Variants in PUM2 observed in about 807,000 individuals in gnomAD.
The protein encoded by PUM2 is pumilio RNA binding family member 2.
A neutral mutation model predicts 124.5 loss-of-function variants in PUM2; 57 were observed. That is an observed-to-expected ratio of 0.46 (90% confidence interval 0.37 to 0.57). The LOEUF is 0.57. Among genes scored for constraint, PUM2 ranks in the 20% least tolerant of loss-of-function variants. The pLI, the probability that PUM2 is intolerant of heterozygous loss-of-function variation, is 0.00. For missense variants in PUM2, 1,065 were observed against 1,290.6 expected, an observed-to-expected ratio of 0.83 and a Z score of 2.68; for synonymous variants, 460 against 446.1, an observed-to-expected ratio of 1.03 and a Z score of -0.39.
chr2:20,306,471 T>TA lies in PUM2; in HGVS notation c.883+1506dup, dbSNP rs373079251. Among the ~76,000 whole-genome samples the TA allele has an allele frequency of 1.5e-3, 233 of 151,884 alleles. No homozygotes were observed. In the Middle Eastern group the frequency reaches 0.024, roughly 16 times the overall value. The stretch of plus-strand genomic sequence containing the variant: ...GTTGTGCTGTCCATGAATAGACAGG[T>TA]AGCAGTACATTTCTAACATAAGAGG... On this transcript the variant is annotated intron_variant, in intron 7 of 20. Coordinates refer to ENST00000361078, the MANE Select transcript of PUM2 (RefSeq NM_015317.5).
chr2:20,329,292 T>C (rs1684381490), intron 1 of PUM2, among the ~76,000 whole-genome samples: 1 of 150,458 alleles, frequency 6.6e-6, no homozygotes, highest in Non-Finnish European at 1.5e-5. Context: ...ATTAGCCTGT[T>C]TCGGTAGGGC....
chr2:20,347,975 G>A (rs1003920834), intron 1 of PUM2, among the ~76,000 whole-genome samples: 5 of 152,110 alleles, frequency 3.3e-5, no homozygotes, highest in Non-Finnish European at 1.5e-5. Context: ...TCATCAAAGC[G>A]AAGTGAGGAG....
intron 1 of PUM2, among the ~76,000 whole-genome samples, chr2:20,347,210 T>C (rs758112455): frequency 4.5e-4 from 68 of 152,218 alleles, no homozygotes; most frequent in Non-Finnish European, 8.2e-4. Flanking sequence ...AACTATGCTT[T>C]TGCCAACAGC....
chr2:20,346,545 G>A (rs1425158225), intron 1 of PUM2, among the ~76,000 whole-genome samples: 1 of 152,078 alleles, frequency 6.6e-6, no homozygotes, highest in Non-Finnish European at 1.5e-5. Flanking sequence ...TTCTCTCACT[G>A]ATCTTAAGTT....
intron 13 of PUM2, among the ~76,000 whole-genome samples, chr2:20,270,694 T>G (rs889468910): frequency 6.6e-5 from 10 of 152,174 alleles, no homozygotes; most frequent in Admixed American, 5.2e-4. Flanking sequence ...TTTAATATAG[T>G]AATCTATGTA....
Position 20,344,542 on chromosome 2 carries a change from T to C in PUM2, c.-19+6055A>G, listed in dbSNP as rs545763193. ...TCAATCTGGTGGGCTTCTACCTATCTCTCCTATCTCTCTTTTGTCACCCTC... is the reference window on the plus strand; with the variant it reads ...TCAATCTGGTGGGCTTCTACCTATCCCTCCTATCTCTCTTTTGTCACCCTC... On this transcript the variant is annotated intron_variant, in intron 1 of 20. Coordinates refer to ENST00000361078, the MANE Select transcript of PUM2 (RefSeq NM_015317.5). Among the ~76,000 whole-genome samples the C allele has an allele frequency of 7.6e-4, 115 of 152,244 alleles. 1 individual carries two copies. The highest frequency in any genetic ancestry group is 2.7e-3 in the African/African-American group (113 of 41,528).
intron 1 of PUM2, among the ~76,000 whole-genome samples, chr2:20,348,353 T>C (rs1215588043): frequency 6.6e-6 from 1 of 152,158 alleles, no homozygotes; most frequent in East Asian, 1.9e-4. Flanking sequence ...TTTAAATATC[T>C]GTAAATTTTA....
At chr2:20,349,397 T>C (rs569154438) in intron 1 of PUM2, among the ~76,000 whole-genome samples, 2 of 152,342 alleles carry the variant, frequency 1.3e-5, no homozygotes, top group East Asian at 1.9e-4. Context: ...ATCGGAATTT[T>C]AAAGAAATTC....
chr2:20,351,187 C>T (rs898227453), upstream of PUM2, among the ~76,000 whole-genome samples: 1 of 152,214 alleles, frequency 6.6e-6, no homozygotes, highest in Non-Finnish European at 1.5e-5. Flanking sequence ...GCTTCCTACC[C>T]GGTTGCTCAC....
chr2:20,321,116 C>G (rs964733100), intron 2 of PUM2, among the ~76,000 whole-genome samples: 4 of 152,086 alleles, frequency 2.6e-5, no homozygotes, highest in Non-Finnish European at 5.9e-5. Flanking sequence ...GATTAAAGTT[C>G]CGGGAGTGCC....
At chr2:20,344,050 T>TTTTAC (rs932102021) in intron 1 of PUM2, among the ~76,000 whole-genome samples, 3 of 128,054 alleles carry the variant, frequency 2.3e-5, no homozygotes, top group African/African-American at 8.5e-5. Context: ...CATAGTATCA[T>TTTTAC]TTTACTTTAT....
rs140039182 is a variant in PUM2, at chr2:20,284,900, C to T, written c.1292-1414G>A. Among the ~76,000 whole-genome samples the T allele has an allele frequency of 5.8e-4, 88 of 152,256 alleles. 1 individual carries two copies. Among genetic ancestry groups the T allele is most frequent in the African/African-American group, 2.0e-3 (83 of 41,546 alleles). On this transcript the variant is annotated intron_variant, in intron 10 of 20. Transcript: ENST00000361078. ...TTCTGATCAAGAATAAGCATTAGCA[C>T]GCTGCTAATAAAATATCCACATTAC...
Position 20,256,190 on chromosome 2 carries a change from AT to A in PUM2, c.2485-21del. On this transcript the variant is annotated intron_variant, in intron 16 of 20. Coordinates refer to ENST00000361078, the MANE Select transcript of PUM2 (RefSeq NM_015317.5). ...TTCACTCTGCAAAAGACAGGATGTC[AT>A]TTAAATTATTACCTCAAACGAGAAA... 6.4e-7 allele frequency: 1 copy of A among 1,565,838 alleles called. No homozygotes were observed. The highest frequency in any genetic ancestry group is 1.7e-4 in the Middle Eastern group (1 of 5,950).
intron 7 of PUM2, among the ~76,000 whole-genome samples, chr2:20,300,541 T>A (rs527717992): frequency 6.6e-6 from 1 of 152,308 alleles, no homozygotes; most frequent in African/African-American, 2.4e-5. Context: ...TTATACTTTC[T>A]GTGAAGAAAA....
At chr2:20,311,439 T>C (rs749687278) in intron 5 of PUM2, 55 bp downstream of exon 5, 111 of 1,481,698 alleles carry the variant, frequency 7.5e-5, no homozygotes, top group Non-Finnish European at 4.7e-5. Flanking sequence ...CATCAACTAA[T>C]AGTAATAATC....
At chr2:20,323,538 G>C (rs1682903729) in intron 2 of PUM2, among the ~76,000 whole-genome samples, 1 of 151,322 alleles carries the variant, frequency 6.6e-6, no homozygotes, top group Non-Finnish European at 1.5e-5. Context: ...ATCCTTTACT[G>C]TTATCAAACA....
intron 20 of PUM2, 74 bp downstream of exon 20, chr2:20,253,748 A>G: frequency 7.5e-7 from 1 of 1,329,340 alleles, no homozygotes; most frequent in South Asian, 1.6e-5. Flanking sequence ...GGAGGAAATG[A>G]AAGCCCAAGG....
At chr2:20,261,633 T>C (rs1265488588) in intron 14 of PUM2, among the ~76,000 whole-genome samples, 5 of 151,904 alleles carry the variant, frequency 3.3e-5, no homozygotes, top group African/African-American at 1.2e-4. Context: ...GTGTTGCTGC[T>C]AAAGATCTCC....
chr2:20,251,677 C>T lies in PUM2; in HGVS notation c.3103G>A (p.Gly1035Arg), dbSNP rs1266206590. Residue 1035 changes from glycine to arginine, a missense_variant, in exon 21 of 21, where the codon GGG becomes AGG. This residue lies in a region of PUM2 where 968 missense variants were observed against 1,159.8 expected (regional missense o/e 0.83). Transcript: ENST00000361078. ...HITTLRKYTY[G>R]KHILAKLEKY... ...TCCAACTTGGCCAGTATATGCTTCC[C>T]GTATGTGTATTTGCGCAAAGTAGTA... 2 of 1,613,506 alleles carry T rather than the reference C, an allele frequency of 1.2e-6. No individual in the cohort carries two copies. Among genetic ancestry groups the T allele is most frequent in the Non-Finnish European group, 1.7e-6 (2 of 1,179,570 alleles).
Sources: allele counts gnomAD v4.1 joint callset (sites outside exome capture counted in the v4.1 genomes callset), GRCh38; gene constraint gnomAD v4.1.1; regional missense constraint gnomAD v4.1.1; transcripts MANE v1.5; gene names NCBI Gene and HGNC (gene_info 2026-07-23, HGNC 2026-07-21).